NRG1: variants seen among roughly 807,000 people sequenced by gnomAD.
NRG1 encodes the protein pro-neuregulin-1, membrane-bound isoform.
A neutral mutation model predicts 63.8 loss-of-function variants in NRG1; 18 were observed. That is an observed-to-expected ratio of 0.28 (90% CI 0.19 to 0.42). The LOEUF (loss-of-function observed/expected upper bound fraction) is 0.42. NRG1 is among the 10% of genes least tolerant of loss of function. The pLI, the probability that NRG1 is intolerant of heterozygous loss-of-function variation, is 1.00. For missense variants in NRG1, 762 were observed against 814.7 expected, an observed-to-expected ratio of 0.94 and a Z score of 0.79; for synonymous variants, 302 against 301.3, an observed-to-expected ratio of 1.00 and a Z score of -0.02.
chr8:32,750,794 C>T (rs1290993509), intron 7 of NRG1, among the ~76,000 whole-genome samples: 6 of 151,404 alleles, frequency 4.0e-5, no homozygotes, highest in Non-Finnish European at 2.9e-5. Flanking sequence ...CTTTGTGCCT[C>T]GCAGAACATC....
At chr8:32,141,764 G>A (rs908962240) in intron 1 of NRG1, among the ~76,000 whole-genome samples, 2 of 151,646 alleles carry the variant, frequency 1.3e-5, no homozygotes, top group African/African-American at 4.8e-5. Context: ...ACAGAGACTT[G>A]TGCCAAAATC....
At chr8:32,396,297 C>T (rs541233933) in intron 1 of NRG1, among the ~76,000 whole-genome samples, 4 of 152,286 alleles carry the variant, frequency 2.6e-5, no homozygotes, top group South Asian at 2.1e-4. Context: ...GGGATTCTCA[C>T]GAATGTGAAG....
chr8:32,432,966 G>T (rs1411775877), intron 1 of NRG1, among the ~76,000 whole-genome samples: 3 of 152,174 alleles, frequency 2.0e-5, no homozygotes, highest in African/African-American at 7.2e-5. Context: ...AGAGTTTGAT[G>T]ACTGTGTATT....
chr8:32,737,527 G>A (rs568129071), intron 6 of NRG1, among the ~76,000 whole-genome samples: 1 of 151,082 alleles, frequency 6.6e-6, no homozygotes, highest in Non-Finnish European at 1.5e-5. Context: ...CTCCAGCCTG[G>A]GTGACAGAGC....
At chr8:32,305,241 T>G (rs1236320278) in intron 1 of NRG1, among the ~76,000 whole-genome samples, 1 of 152,116 alleles carries the variant, frequency 6.6e-6, no homozygotes, top group East Asian at 1.9e-4. Context: ...TTTAAAAAAT[T>G]GATTAAAGTA....
At chr8:32,164,764 T>G in intron 1 of NRG1, among the ~76,000 whole-genome samples, 1 of 152,236 alleles carries the variant, frequency 6.6e-6, no homozygotes, top group East Asian at 1.9e-4. Flanking sequence ...GATATGAATA[T>G]CAACCAGCAT....
At chr8:32,606,028 C>CAT (rs1000081683) in intron 3 of NRG1, among the ~76,000 whole-genome samples, 5 of 150,022 alleles carry the variant, frequency 3.3e-5, no homozygotes, top group African/African-American at 9.8e-5. Context: ...AGAATACAGT[C>CAT]ATATATATAT....
intron 1 of NRG1, among the ~76,000 whole-genome samples, chr8:31,685,881 G>T (rs1808834692): frequency 6.6e-6 from 1 of 151,840 alleles, no homozygotes; most frequent in African/African-American, 2.4e-5. Flanking sequence ...ATATCATGTT[G>T]GTCTATCCAT....
At chr8:31,692,989 C>T (rs1332458826) in intron 1 of NRG1, among the ~76,000 whole-genome samples, 1 of 152,162 alleles carries the variant, frequency 6.6e-6, no homozygotes, top group Non-Finnish European at 1.5e-5. Context: ...TATTTAACAT[C>T]AGGGAAGTTA....
intron 1 of NRG1, among the ~76,000 whole-genome samples, chr8:31,935,331 C>T (rs1382620735): frequency 6.6e-6 from 1 of 152,102 alleles, no homozygotes; most frequent in Non-Finnish European, 1.5e-5. Flanking sequence ...CTATTTTGCC[C>T]AGGCTGGTCT....
In NRG1 at chr8:31,717,553, C is replaced by T. The variant is rs76693394; in HGVS notation, c.37+78122C>T. ...TTACCATTTTGAATTGTCCCTGCTCCAGTCTTACAAAGTGGGACATGCATT... is the reference window on the plus strand; with the variant it reads ...TTACCATTTTGAATTGTCCCTGCTCTAGTCTTACAAAGTGGGACATGCATT... On this transcript the variant is annotated intron_variant, in intron 1 of 10. Transcript: ENST00000519301. Among the ~76,000 whole-genome samples the T allele has an allele frequency of 3.6e-3, 546 of 152,194 alleles. 1 individual carries two copies. The highest frequency in any genetic ancestry group is 6.5e-3 in the Non-Finnish European group (444 of 68,016).
chr8:32,326,112 C>T (rs1443421105), intron 1 of NRG1, among the ~76,000 whole-genome samples: 6 of 150,990 alleles, frequency 4.0e-5, no homozygotes, highest in South Asian at 4.2e-4. Context: ...TGGGTTCAAG[C>T]GATTCTCCTG....
At chr8:32,284,829 A>T (rs1367786828) in intron 1 of NRG1, among the ~76,000 whole-genome samples, 1 of 152,196 alleles carries the variant, frequency 6.6e-6, no homozygotes, top group Non-Finnish European at 1.5e-5. Context: ...GATTACAGGC[A>T]TGAGCCACTG....
chr8:32,112,035 G>A lies in NRG1; in HGVS notation c.37+472604G>A, dbSNP rs1294780640. Among the ~76,000 whole-genome samples the A allele has an allele frequency of 2.0e-5, 3 of 152,284 alleles. No homozygotes were observed. The East Asian group carries it at 5.8e-4, about 29-fold the overall frequency. ...GATGACTAACAATGTTTTATTGTGT[G>A]ACATGAAGTTAAACAGTAATAATTT... On this transcript the variant is annotated intron_variant, in intron 1 of 10. Transcript: ENST00000519301.
intron 1 of NRG1, among the ~76,000 whole-genome samples, chr8:31,739,152 T>G (rs1475456939): frequency 6.6e-6 from 1 of 152,036 alleles, no homozygotes; most frequent in Non-Finnish European, 1.5e-5. Flanking sequence ...TCCCATGAAA[T>G]TACCTTTACC....
At chr8:31,903,154 T>TC (rs1832231259) in intron 1 of NRG1, among the ~76,000 whole-genome samples, 1 of 149,108 alleles carries the variant, frequency 6.7e-6, no homozygotes, top group African/African-American at 2.5e-5. Context: ...TCAACTTTTT[T>TC]TTTTTTTTTT....
intron 1 of NRG1, among the ~76,000 whole-genome samples, chr8:32,216,544 A>G (rs1219866789): frequency 6.7e-6 from 1 of 149,700 alleles, no homozygotes; most frequent in Non-Finnish European, 1.5e-5. Flanking sequence ...CATAAATTCT[A>G]TTAGTTGGAA....
At chr8:31,692,009 T>A (rs2131134359) in intron 1 of NRG1, among the ~76,000 whole-genome samples, 1 of 152,270 alleles carries the variant, frequency 6.6e-6, no homozygotes, top group Admixed American at 6.5e-5. Flanking sequence ...ATTTATTTAT[T>A]TTTTGAAGAG....
intron 1 of NRG1, among the ~76,000 whole-genome samples, chr8:32,326,778 T>A (rs1802078938): frequency 6.6e-6 from 1 of 152,160 alleles, no homozygotes; most frequent in Non-Finnish European, 1.5e-5. Context: ...AAGATTATAC[T>A]CAAAGTTCTT....
Sources: gnomAD v4.1 joint callset for allele counts (sites outside exome capture counted in the v4.1 genomes callset) on GRCh38, gnomAD v4.1.1 for gene constraint, MANE v1.5 for transcripts, NCBI Gene and HGNC (gene_info 2026-07-23, HGNC 2026-07-21) for gene names.